PPP6R2: variants seen among roughly 807,000 people sequenced by gnomAD.
PPP6R2 encodes the protein protein phosphatase 6 regulatory subunit 2.
PPP6R2 carries 62 observed loss-of-function variants against 100.2 expected under a neutral mutation model. That is an observed-to-expected ratio of 0.62 (90% CI 0.50 to 0.76). PPP6R2 has a LOEUF of 0.76. PPP6R2 is among the 30% of genes least tolerant of loss of function. The pLI, the probability that PPP6R2 is intolerant of heterozygous loss-of-function variation, is 0.00. For missense variants in PPP6R2, 1,142 were observed against 1,276.3 expected, an observed-to-expected ratio of 0.89 and a Z score of 1.60; for synonymous variants, 525 against 514.7, an observed-to-expected ratio of 1.02 and a Z score of -0.27.
intron 2 of PPP6R2, among the ~76,000 whole-genome samples, chr22:50,375,854 T>G (rs2051413904): frequency 7.0e-6 from 1 of 141,968 alleles, no homozygotes; most frequent in Non-Finnish European, 1.5e-5. Flanking sequence ...TTTTTTTTTT[T>G]TTTTGAGATG....
intron 2 of PPP6R2, among the ~76,000 whole-genome samples, chr22:50,374,780 G>A (rs1314641460): frequency 2.0e-5 from 3 of 151,994 alleles, no homozygotes; most frequent in Non-Finnish European, 4.4e-5. Flanking sequence ...CGGGCGTGGT[G>A]GTGCGCGCCT....
At chr22:50,394,187 G>T in intron 3 of PPP6R2, 52 bp downstream of exon 3, 1 of 1,597,360 alleles carries the variant, frequency 6.3e-7, no homozygotes, top group Non-Finnish European at 8.6e-7. Context: ...CTGCAGGCAG[G>T]CCGCAGGCAG....
At chr22:50,348,919 C>T (rs964640368) in intron 1 of PPP6R2, among the ~76,000 whole-genome samples, 37 of 152,168 alleles carry the variant, frequency 2.4e-4, no homozygotes, top group African/African-American at 8.9e-4. Context: ...GGGCCGGGCG[C>T]AGTGGCTCAC....
chr22:50,379,199 A>G (rs963225478), intron 2 of PPP6R2, among the ~76,000 whole-genome samples: 1 of 152,100 alleles, frequency 6.6e-6, no homozygotes, highest in Non-Finnish European at 1.5e-5. Context: ...ACTAAATACA[A>G]TTCTCAAGAA....
At chr22:50,435,218 C>CCTG in intron 13 of PPP6R2, 137 bp downstream of exon 13, 1 of 618,842 alleles carries the variant, frequency 1.6e-6, no homozygotes, top group East Asian at 3.2e-5. Flanking sequence ...CACCTCTGTC[C>CCTG]TCTCACTTCA....
chr22:50,362,142 G>A (rs1241908422), intron 1 of PPP6R2, among the ~76,000 whole-genome samples: 1 of 152,176 alleles, frequency 6.6e-6, no homozygotes, highest in Non-Finnish European at 1.5e-5. Flanking sequence ...GGGAGGAGTC[G>A]GGGCTAGGGC....
intron 14 of PPP6R2, 141 bp downstream of exon 14, chr22:50,436,593 C>A: frequency 1.3e-6 from 1 of 798,724 alleles, no homozygotes; most frequent in Non-Finnish European, 2.1e-6. Flanking sequence ...ATGCGGTGCC[C>A]CTGCATAGTG....
At chr22:50,382,728 A>C (rs1273920647) in intron 2 of PPP6R2, among the ~76,000 whole-genome samples, 1 of 152,142 alleles carries the variant, frequency 6.6e-6, no homozygotes, top group Non-Finnish European at 1.5e-5. Context: ...TGGAAAACTT[A>C]CTGTTATACC....
intron 12 of PPP6R2, among the ~76,000 whole-genome samples, chr22:50,432,556 G>A (rs1056471074): frequency 2.6e-5 from 4 of 152,126 alleles, no homozygotes; most frequent in Admixed American, 2.0e-4. Flanking sequence ...GACAGGAAGC[G>A]GTCCCGTCCC....
chr22:50,416,667 G>A (rs2060582181), intron 6 of PPP6R2, among the ~76,000 whole-genome samples: 1 of 151,562 alleles, frequency 6.6e-6, no homozygotes, highest in African/African-American at 2.4e-5. Context: ...TAATCTATGT[G>A]TATTATAAAA....
At chr22:50,352,441 C>G (rs2045512948) in intron 1 of PPP6R2, among the ~76,000 whole-genome samples, 1 of 152,186 alleles carries the variant, frequency 6.6e-6, no homozygotes, top group African/African-American at 2.4e-5. Flanking sequence ...TTAAAACTTT[C>G]TGCAGGCATT....
intron 3 of PPP6R2, among the ~76,000 whole-genome samples, chr22:50,396,488 C>T (rs1396981752): frequency 1.4e-5 from 2 of 139,778 alleles, no homozygotes; most frequent in Non-Finnish European, 3.2e-5. Context: ...GAGTGAGACT[C>T]CGTCTCAAAA....
chr22:50,431,444 G>A lies in PPP6R2; in HGVS notation c.1335+62G>A. The A allele has an allele frequency of 6.8e-7, 1 of 1,468,736 alleles. No individual in the cohort carries two copies. Among genetic ancestry groups the A allele is most frequent in the Admixed American group, 1.8e-5 (1 of 54,070 alleles). The allele number at this position is 1,468,736 out of a possible 1,614,324, so 91.0% of individuals were successfully genotyped here. ...TGCGCCCCACTCAGACCGTGTCCAT[G>A]TCAGCGCTGACGTGTGCCGGACCTC... On this transcript the variant is annotated intron_variant, in intron 11 of 23. Transcript: ENST00000612753. This position sits in a 1 kb window ranked among gnomAD's most constrained non-coding sequence, Gnocchi z 4.8.
chr22:50,369,746 A>T (rs1002883504), intron 1 of PPP6R2, among the ~76,000 whole-genome samples: 1 of 151,826 alleles, frequency 6.6e-6, no homozygotes, highest in African/African-American at 2.4e-5. Context: ...ACCTCAAGTG[A>T]TCACCCACCT....
chr22:50,338,265 G>A, the PPP6R2 span, among the ~76,000 whole-genome samples: 1 of 136,104 alleles, frequency 7.3e-6, no homozygotes, highest in Non-Finnish European at 1.6e-5. Flanking sequence ...TGTGTGGTGC[G>A]TGTGAAGTGT....
At chr22:50,331,811 G>A in the PPP6R2 span, among the ~76,000 whole-genome samples, 6 of 152,020 alleles carry the variant, frequency 3.9e-5, no homozygotes, top group Non-Finnish European at 7.4e-5. Context: ...TAGTAGAGAC[G>A]GGGTTTCACC....
chr22:50,375,910 G>T (rs540049017), intron 2 of PPP6R2, among the ~76,000 whole-genome samples: 1 of 133,902 alleles, frequency 7.5e-6, no homozygotes, highest in Admixed American at 8.6e-5. Context: ...GCACAATCTC[G>T]GTTCACTGCA....
chr22:50,439,403 G>A (rs1396389727), intron 19 of PPP6R2, among the ~76,000 whole-genome samples: 4 of 152,126 alleles, frequency 2.6e-5, no homozygotes, highest in Admixed American at 1.3e-4. Context: ...GGTAGGACAG[G>A]GCAGTGGCAT....
chr22:50,431,124 G>A lies in PPP6R2; in HGVS notation c.1126-49G>A, dbSNP rs1334751175. 1.4e-6 allele frequency: 2 copies of A among 1,469,158 alleles called. No individual in the cohort carries two copies. The highest frequency in any genetic ancestry group is 1.9e-6 in the Non-Finnish European group (2 of 1,056,610). The allele number at this position is 1,469,158 out of a possible 1,614,324, so 91.0% of individuals were successfully genotyped here. ...TTCCCTCAGCTTTGTGGTGTAGCCGGCAGGAGAAAACCGATCTAAGAACTG... is the reference window on the plus strand; with the variant it reads ...TTCCCTCAGCTTTGTGGTGTAGCCGACAGGAGAAAACCGATCTAAGAACTG... On this transcript the variant is annotated intron_variant, in intron 10 of 23. Coordinates refer to ENST00000612753, the MANE Select transcript of PPP6R2 (RefSeq NM_001242898.2). The surrounding 1 kb of genome is among the most constrained non-coding windows in gnomAD (Gnocchi z 4.8).
Sources: allele counts gnomAD v4.1 joint callset (sites outside exome capture counted in the v4.1 genomes callset), GRCh38; gene constraint gnomAD v4.1.1; non-coding constraint Gnocchi (gnomAD v3.1); transcripts MANE v1.5; gene names NCBI Gene and HGNC (gene_info 2026-07-23, HGNC 2026-07-21).